Variants in SGCZ observed in about 807,000 individuals in gnomAD.
The protein encoded by SGCZ is zeta-sarcoglycan.
A neutral mutation model predicts 41.3 loss-of-function variants in SGCZ; 40 were observed. That is an observed-to-expected ratio of 0.97 (90% CI 0.75 to 1.26). The LOEUF (loss-of-function observed/expected upper bound fraction) is 1.26. SGCZ is among the 50% of genes most tolerant of loss of function. The probability of loss-of-function intolerance (pLI) is 0.00; values close to 1 mark genes in which losing one functional copy is unlikely to be tolerated. For synonymous variants in SGCZ, 206 were observed against 137.5 expected (o/e 1.50, Z -3.49); for missense variants, 552 against 369.8 (o/e 1.49, Z -4.04).
At chr8:14,981,258 A>C (rs1205194975) in intron 1 of SGCZ, among the ~76,000 whole-genome samples, 1 of 152,226 alleles carries the variant, frequency 6.6e-6, no homozygotes, top group Non-Finnish European at 1.5e-5. Flanking sequence ...GCTTTAAAGT[A>C]AATCAGTTAC....
At chr8:14,226,692 G>A (rs1764876775) in intron 4 of SGCZ, among the ~76,000 whole-genome samples, 1 of 152,086 alleles carries the variant, frequency 6.6e-6, no homozygotes. Flanking sequence ...GTGTAAACAT[G>A]TTTTTATTTA....
intron 3 of SGCZ, among the ~76,000 whole-genome samples, chr8:14,312,805 T>C (rs1218382212): frequency 1.3e-5 from 2 of 152,090 alleles, no homozygotes; most frequent in African/African-American, 2.4e-5. Context: ...TGTTTCTTTA[T>C]GCAAACAAAA....
At chr8:14,562,957 C>T (rs960750977) in intron 1 of SGCZ, among the ~76,000 whole-genome samples, 1 of 152,116 alleles carries the variant, frequency 6.6e-6, no homozygotes, top group African/African-American at 2.4e-5. Flanking sequence ...CTGGGCTACC[C>T]AAAGGAGGAG....
At chr8:15,097,895 TATATA>T (rs1563124181) in intron 1 of SGCZ, among the ~76,000 whole-genome samples, 1 of 103,670 alleles carries the variant, frequency 9.6e-6, no homozygotes, top group African/African-American at 3.4e-5. Flanking sequence ...TGTGTATATA[TATATA>T]TATATATATA....
At chr8:14,997,680 C>T (rs74382655) in intron 1 of SGCZ, among the ~76,000 whole-genome samples, 7,356 of 152,250 alleles carry the variant, frequency 0.048, 551 homozygotes, top group African/African-American at 0.16. Flanking sequence ...ATAGTCCTGG[C>T]AGGGTGCAGT....
At chr8:14,537,747 G>C (rs1203537059) in intron 2 of SGCZ, among the ~76,000 whole-genome samples, 1 of 151,784 alleles carries the variant, frequency 6.6e-6, no homozygotes, top group Non-Finnish European at 1.5e-5. Context: ...CTCATGTAAG[G>C]TTTGTACAGG....
At chr8:15,012,343 G>A (rs1013929928) in intron 1 of SGCZ, among the ~76,000 whole-genome samples, 3 of 151,150 alleles carry the variant, frequency 2.0e-5, no homozygotes, top group African/African-American at 7.3e-5. Flanking sequence ...TATGCCTATA[G>A]TCCTAGTTAT....
intron 1 of SGCZ, among the ~76,000 whole-genome samples, chr8:14,837,246 G>C (rs1185007811): frequency 3.3e-5 from 5 of 152,178 alleles, no homozygotes; most frequent in African/African-American, 9.7e-5. Context: ...GATCAGGAAG[G>C]CCATTTTGAA....
At chr8:14,175,626 TA>T (rs1238924211) in intron 4 of SGCZ, among the ~76,000 whole-genome samples, 1 of 151,948 alleles carries the variant, frequency 6.6e-6, no homozygotes, top group Non-Finnish European at 1.5e-5. Context: ...TTAGTATGTT[TA>T]AAAACACTAT....
Position 14,797,865 on chromosome 8 carries a change from C to T in SGCZ, c.40-242939G>A, listed in dbSNP as rs371395351. ...CAAGGTAAAGCTCAGCCAATGGCTT[C>T]GTAGGGTGAAAACCCCAAGCCTTGG... On this transcript the variant is annotated intron_variant, in intron 1 of 7. Transcript: ENST00000382080. Among the ~76,000 whole-genome samples the T allele has an allele frequency of 2.7e-3, 407 of 152,312 alleles. 5 individuals carry two copies. The highest frequency in any genetic ancestry group is 8.8e-3 in the African/African-American group (364 of 41,582).
intron 1 of SGCZ, among the ~76,000 whole-genome samples, chr8:15,174,067 C>T (rs766093285): frequency 1.2e-4 from 18 of 151,980 alleles, no homozygotes; most frequent in Non-Finnish European, 1.8e-4. Context: ...AGTTAAGGGC[C>T]GTCATTGATC....
chr8:15,124,317 T>C (rs1807597307), intron 1 of SGCZ, among the ~76,000 whole-genome samples: 1 of 152,204 alleles, frequency 6.6e-6, no homozygotes, highest in Non-Finnish European at 1.5e-5. Flanking sequence ...TGTGTTTATC[T>C]TTGAGGAGTA....
intron 4 of SGCZ, among the ~76,000 whole-genome samples, chr8:14,225,539 AAAT>A (rs1806342788): frequency 6.6e-6 from 1 of 152,156 alleles, no homozygotes; most frequent in Non-Finnish European, 1.5e-5. Flanking sequence ...TCATAGCCAA[AAAT>A]AATAATACTA....
At chr8:14,985,406 A>G (rs554938571) in intron 1 of SGCZ, among the ~76,000 whole-genome samples, 2 of 152,256 alleles carry the variant, frequency 1.3e-5, no homozygotes, top group East Asian at 3.9e-4. Flanking sequence ...TGTTTCCTAC[A>G]CTCAAATAAC....
intron 2 of SGCZ, among the ~76,000 whole-genome samples, chr8:14,372,368 T>C (rs976191801): frequency 6.6e-6 from 1 of 152,222 alleles, no homozygotes; most frequent in African/African-American, 2.4e-5. Context: ...CATTCTTTTG[T>C]TGAACAAATT....
chr8:15,063,839 C>A (rs1805026887), intron 1 of SGCZ, among the ~76,000 whole-genome samples: 1 of 152,106 alleles, frequency 6.6e-6, no homozygotes, highest in Non-Finnish European at 1.5e-5. Flanking sequence ...ATAGTTTCTT[C>A]ATAAGAAGAA....
intron 4 of SGCZ, among the ~76,000 whole-genome samples, chr8:14,218,103 T>C (rs1263267828): frequency 6.6e-6 from 1 of 152,144 alleles, no homozygotes; most frequent in Non-Finnish European, 1.5e-5. Context: ...CTACTTAACT[T>C]TGAACTGGTC....
intron 1 of SGCZ, among the ~76,000 whole-genome samples, chr8:14,992,179 C>A (rs959371460): frequency 3.3e-5 from 5 of 149,708 alleles, no homozygotes; most frequent in East Asian, 2.0e-4. Context: ...ATCTACTCCC[C>A]AAACTAGTGT....
chr8:14,680,178 G>C (rs749993567), intron 1 of SGCZ, among the ~76,000 whole-genome samples: 12 of 152,140 alleles, frequency 7.9e-5, no homozygotes, highest in Non-Finnish European at 1.5e-4. Context: ...AAGTACAGTG[G>C]TTGCAAGAGG....
Sources: allele counts gnomAD v4.1 joint callset (sites outside exome capture counted in the v4.1 genomes callset), GRCh38; gene constraint gnomAD v4.1.1; transcripts MANE v1.5; gene names NCBI Gene and HGNC (gene_info 2026-07-23, HGNC 2026-07-21).